RBFOX1: variants seen among roughly 807,000 people sequenced by gnomAD.
RBFOX1 encodes RNA binding fox-1 homolog 1, also known as RNA binding protein fox-1 homolog 1.
Under a neutral mutation model 57.7 loss-of-function variants are expected in RBFOX1, and 8 were observed. That is an observed-to-expected ratio of 0.14 (90% CI 0.08 to 0.25). The LOEUF (loss-of-function observed/expected upper bound fraction) is 0.25, where lower values mean the gene tolerates loss of function less well. Ranked by LOEUF, RBFOX1 falls within the 10% of genes least tolerant of loss-of-function variation. The pLI is 1.00. For missense variants in RBFOX1, 611 were observed against 548.5 expected, an observed-to-expected ratio of 1.11 and a Z score of -1.14; for synonymous variants, 326 against 222.4, an observed-to-expected ratio of 1.47 and a Z score of -4.15.
At chr16:5,796,407 C>CA (rs2054880191) in intron 3 of RBFOX1, among the ~76,000 whole-genome samples, 1 of 152,152 alleles carries the variant, frequency 6.6e-6, no homozygotes, top group South Asian at 2.1e-4. Context: ...ATCAAGTATC[C>CA]AGGGTTTGTG....
chr16:7,602,272 G>C (rs554408198), intron 9 of RBFOX1, among the ~76,000 whole-genome samples: 4 of 152,306 alleles, frequency 2.6e-5, no homozygotes, highest in South Asian at 4.1e-4. Flanking sequence ...TGCAAATTCA[G>C]ATGTGGCCCC....
chr16:6,922,022 A>G (rs1476378465), intron 3 of RBFOX1, among the ~76,000 whole-genome samples: 3 of 152,204 alleles, frequency 2.0e-5, no homozygotes, highest in East Asian at 3.9e-4. Flanking sequence ...TGGCTATTTA[A>G]TGTATATAAC....
intron 1 of RBFOX1, among the ~76,000 whole-genome samples, chr16:6,110,967 T>G (rs2096440044): frequency 6.6e-6 from 1 of 152,088 alleles, no homozygotes; most frequent in African/African-American, 2.4e-5. Flanking sequence ...CAGAAAACAG[T>G]ATTTCAAGGA....
At chr16:6,977,021 A>G (rs2087122643) in intron 3 of RBFOX1, among the ~76,000 whole-genome samples, 1 of 146,872 alleles carries the variant, frequency 6.8e-6, no homozygotes, top group Non-Finnish European at 1.5e-5. Context: ...CATATGTATC[A>G]TGTATCATAT....
intron 1 of RBFOX1, among the ~76,000 whole-genome samples, chr16:5,465,289 T>C (rs1231743955): frequency 1.3e-5 from 2 of 152,168 alleles, no homozygotes; most frequent in Admixed American, 1.3e-4. Context: ...CTGACACCTC[T>C]TTGTGTGTCC....
At chr16:6,394,873 T>A (rs2092757477) in intron 2 of RBFOX1, among the ~76,000 whole-genome samples, 1 of 152,186 alleles carries the variant, frequency 6.6e-6, no homozygotes, top group African/African-American at 2.4e-5. Flanking sequence ...ATCTCACAGC[T>A]GTGTATCGTG....
chr16:5,879,189 A>C (rs1833608010), intron 4 of RBFOX1, among the ~76,000 whole-genome samples: 1 of 152,176 alleles, frequency 6.6e-6, no homozygotes, highest in East Asian at 1.9e-4. Context: ...GGTTTTAGCT[A>C]ATGGGGACTG....
intron 1 of RBFOX1, among the ~76,000 whole-genome samples, chr16:5,386,527 C>T (rs1054381330): frequency 2.0e-5 from 3 of 152,158 alleles, no homozygotes; most frequent in Non-Finnish European, 4.4e-5. Flanking sequence ...TCCTGCCCTC[C>T]CTACTCTTTG....
At chr16:6,681,060 C>G (rs1231111093) in intron 3 of RBFOX1, among the ~76,000 whole-genome samples, 1 of 152,120 alleles carries the variant, frequency 6.6e-6, no homozygotes, top group Non-Finnish European at 1.5e-5. Flanking sequence ...CCCATAATGC[C>G]AGTCCTTTGC....
chr16:5,290,935 G>C (rs1408689380), intron 1 of RBFOX1, among the ~76,000 whole-genome samples: 1 of 152,196 alleles, frequency 6.6e-6, no homozygotes, highest in East Asian at 1.9e-4. Flanking sequence ...CTGGATCTCA[G>C]GTGATGCACC....
chr16:5,870,087 A>G (rs973971007), intron 4 of RBFOX1, among the ~76,000 whole-genome samples: 1 of 150,938 alleles, frequency 6.6e-6, no homozygotes, highest in Non-Finnish European at 1.5e-5. Flanking sequence ...TGTACCCTCC[A>G]TGATTTCATT....
intron 2 of RBFOX1, among the ~76,000 whole-genome samples, chr16:6,334,970 A>AACAGT (rs1251926942): frequency 3.3e-5 from 5 of 152,224 alleles, no homozygotes; most frequent in African/African-American, 1.2e-4. Flanking sequence ...AGCAAGAGAG[A>AACAGT]ACAGTGTCAT....
chr16:6,977,141 T>C (rs527302720), intron 3 of RBFOX1, among the ~76,000 whole-genome samples: 12 of 143,522 alleles, frequency 8.4e-5, no homozygotes, highest in Admixed American at 2.9e-4. Flanking sequence ...TGATATATAT[T>C]ATATATATCA....
chr16:6,743,600 G>C lies in RBFOX1; in HGVS notation c.-16+88950G>C, dbSNP rs150994833. Among the ~76,000 whole-genome samples, 47 of 151,682 alleles carry C rather than the reference G, an allele frequency of 3.1e-4. 1 individual carries two copies. In the East Asian group the frequency reaches 9.2e-3, roughly 30 times the overall value. On this transcript the variant is annotated intron_variant, in intron 3 of 15. Coordinates refer to ENST00000550418, the MANE Select transcript of RBFOX1 (RefSeq NM_018723.4). ...GTACAAAAAATTTAAAAATTGAAGT[G>C]AGCATGGTGGTGCATGTCTGTAGTC...
intron 2 of RBFOX1, among the ~76,000 whole-genome samples, chr16:6,640,027 T>C (rs1039183120): frequency 7.9e-5 from 12 of 152,166 alleles, no homozygotes; most frequent in African/African-American, 2.7e-4. Context: ...TTTAACCCCA[T>C]TTTCTGAAAT....
chr16:7,418,741 A>C (rs2098508916), intron 4 of RBFOX1, among the ~76,000 whole-genome samples: 1 of 151,964 alleles, frequency 6.6e-6, no homozygotes. Context: ...TTATGGTCTT[A>C]TCCTCTTTTC....
intron 14 of RBFOX1, among the ~76,000 whole-genome samples, chr16:7,683,478 A>C (rs2075369864): frequency 6.6e-6 from 1 of 152,092 alleles, no homozygotes; most frequent in African/African-American, 2.4e-5. Context: ...GTTTAAAAAA[A>C]GAACCAATCC....
rs138466472 is a variant in RBFOX1, at chr16:6,867,840, C to G, written c.-15-184217C>G. Reference sequence around the variant, plus strand: ...GATCCTGGTGTAATTATTGACATCCCCCTTTCTGCTGACAGGTGTCCCAGT... The same window carrying G: ...GATCCTGGTGTAATTATTGACATCCGCCTTTCTGCTGACAGGTGTCCCAGT... On this transcript the variant is annotated intron_variant, in intron 3 of 15. Coordinates refer to ENST00000550418, the MANE Select transcript of RBFOX1 (RefSeq NM_018723.4). Among the ~76,000 whole-genome samples, 407 of 152,266 alleles carry G rather than the reference C, an allele frequency of 2.7e-3. 2 individuals carry two copies. Among genetic ancestry groups the G allele is most frequent in the African/African-American group, 8.6e-3 (357 of 41,542 alleles).
At chr16:5,465,484 C>T (rs2068924224) in intron 1 of RBFOX1, among the ~76,000 whole-genome samples, 1 of 152,136 alleles carries the variant, frequency 6.6e-6, no homozygotes, top group Non-Finnish European at 1.5e-5. Flanking sequence ...TAAAACACAG[C>T]CTTTGAGCAA....
Sources: gnomAD v4.1 joint callset for allele counts (sites outside exome capture counted in the v4.1 genomes callset) on GRCh38, gnomAD v4.1.1 for gene constraint, MANE v1.5 for transcripts, NCBI Gene and HGNC (gene_info 2026-07-23, HGNC 2026-07-21) for gene names.